The following DNAI1 variants were observed in gnomAD, a reference collection of about 807,000 sequenced individuals.
DNAI1 encodes the protein dynein, axonemal, intermediate polypeptide 1.
A neutral mutation model predicts 92.0 loss-of-function variants in DNAI1; 67 were observed. That is an observed-to-expected ratio of 0.73 (90% CI 0.60 to 0.89). DNAI1 has a LOEUF of 0.89. Ranked by LOEUF, DNAI1 falls within the 40% of genes least tolerant of loss-of-function variation. The pLI, the probability that DNAI1 is intolerant of heterozygous loss-of-function variation, is 0.00. For synonymous variants in DNAI1, 323 were observed against 319.6 expected (o/e 1.01, Z -0.11); for missense variants, 839 against 866.6 (o/e 0.97, Z 0.40).
chr9:34,475,005 G>A (rs1198812321), intron 1 of DNAI1, among the ~76,000 whole-genome samples: 2 of 152,170 alleles, frequency 1.3e-5, no homozygotes, highest in Non-Finnish European at 2.9e-5. Context: ...AACAATGTAT[G>A]TGTGCCTGTT....
At chr9:34,503,031 T>C (rs1024677654) in intron 12 of DNAI1, among the ~76,000 whole-genome samples, 6 of 152,154 alleles carry the variant, frequency 3.9e-5, no homozygotes, top group Admixed American at 2.0e-4. Flanking sequence ...TGCAGTACCC[T>C]CAGGGAGCCC....
At chr9:34,463,714 G>A (rs890156186) in intron 1 of DNAI1, among the ~76,000 whole-genome samples, 1 of 152,240 alleles carries the variant, frequency 6.6e-6, no homozygotes, top group Middle Eastern at 3.4e-3. Flanking sequence ...TCATTCTCCT[G>A]TAAAAGCCAA....
chr9:34,487,276 C>T (rs1824492597), intron 4 of DNAI1, among the ~76,000 whole-genome samples: 1 of 152,032 alleles, frequency 6.6e-6, no homozygotes, highest in African/African-American at 2.4e-5. Context: ...AGCTCCGCCT[C>T]CCGGGTTCAT....
At chr9:34,472,715 A>C (rs981894570) in intron 1 of DNAI1, among the ~76,000 whole-genome samples, 2 of 152,244 alleles carry the variant, frequency 1.3e-5, no homozygotes, top group African/African-American at 4.8e-5. Flanking sequence ...CAGCCTGGGC[A>C]ACATAGTGAG....
At chr9:34,478,892 G>C (rs1450947724) in intron 1 of DNAI1, 1 of 152,248 alleles carries the variant, frequency 6.6e-6, no homozygotes, top group Non-Finnish European at 1.5e-5. Context: ...GAGACTAACA[G>C]AGTGTCTATT....
At chr9:34,482,640 C>T (rs1277879362) in intron 1 of DNAI1, among the ~76,000 whole-genome samples, 3 of 152,178 alleles carry the variant, frequency 2.0e-5, no homozygotes, top group African/African-American at 7.2e-5. Flanking sequence ...ATTTACAATC[C>T]CTGAGCTAGA....
chr9:34,493,690 G>A lies in DNAI1; in HGVS notation c.816+362G>A, dbSNP rs1051408440. ...ATAAGGCACCACTTCCCTCGGCAAC[G>A]GCTTATAGGATCTGGGAAAGTGAGA... On this transcript the variant is annotated intron_variant, in intron 9 of 19. Coordinates refer to ENST00000242317, the MANE Select transcript of DNAI1 (RefSeq NM_012144.4). Among the ~76,000 whole-genome samples the A allele has an allele frequency of 9.9e-5, 15 of 152,284 alleles. No homozygotes were observed. The South Asian group carries it at 1.0e-3, about 11-fold the overall frequency.
chr9:34,486,867 A>G (rs1364806100), intron 4 of DNAI1, among the ~76,000 whole-genome samples: 2 of 152,200 alleles, frequency 1.3e-5, no homozygotes, highest in African/African-American at 4.8e-5. Flanking sequence ...TATAAGTGGA[A>G]TTATACACCA....
At chr9:34,515,791 T>C (rs528168254) in intron 18 of DNAI1, among the ~76,000 whole-genome samples, 80 of 152,258 alleles carry the variant, frequency 5.3e-4, no homozygotes, top group Admixed American at 1.1e-3. Flanking sequence ...TTTGTAGAGA[T>C]GGAAAGTCAA....
intron 12 of DNAI1, among the ~76,000 whole-genome samples, chr9:34,502,697 G>A (rs959060410): frequency 1.3e-5 from 2 of 152,100 alleles, no homozygotes; most frequent in Non-Finnish European, 2.9e-5. Context: ...TGTCCTTTGG[G>A]CAGGCACTTA....
rs977548847 is a variant in DNAI1 at position 34,498,405 on chromosome 9, G to C, written c.901+1206G>C. Among the ~76,000 whole-genome samples the C allele has an allele frequency of 2.6e-5, 4 of 152,200 alleles. No individual in the cohort carries two copies. The South Asian group carries it at 8.3e-4, about 31-fold the overall frequency. On this transcript the variant is annotated intron_variant, in intron 10 of 19. Coordinates refer to ENST00000242317, the MANE Select transcript of DNAI1 (RefSeq NM_012144.4). The stretch of plus-strand genomic sequence containing the variant: ...AGTGTGAGTGGCAGAATCAGAACTC[G>C]AACACAGGCCCCTTGGATCCATCAC...
chr9:34,520,325 G>A (rs572271913), intron 19 of DNAI1, among the ~76,000 whole-genome samples: 41 of 152,266 alleles, frequency 2.7e-4, no homozygotes, highest in Middle Eastern at 3.4e-3. Flanking sequence ...CCCCGCCTTC[G>A]CAGAGCTGGA....
chr9:34,490,603 A>C (rs920650253), intron 7 of DNAI1, 115 bp downstream of exon 7: 3 of 1,405,156 alleles, frequency 2.1e-6, no homozygotes, highest in Non-Finnish European at 2.0e-6. Context: ...ACAGGACAAC[A>C]GATGCTACAG....
chr9:34,479,072 G>A (rs1480290076), intron 1 of DNAI1, among the ~76,000 whole-genome samples: 2 of 152,162 alleles, frequency 1.3e-5, no homozygotes, highest in Non-Finnish European at 2.9e-5. Context: ...GTGGAAGCAG[G>A]GAGAGGAAAG....
chr9:34,462,500 G>A (rs908583104), intron 1 of DNAI1, among the ~76,000 whole-genome samples: 1 of 152,136 alleles, frequency 6.6e-6, no homozygotes, highest in Non-Finnish European at 1.5e-5. Flanking sequence ...CTTGTTCATT[G>A]TTGATTCCCC....
chr9:34,472,268 C>G (rs1824151022), intron 1 of DNAI1, among the ~76,000 whole-genome samples: 1 of 152,166 alleles, frequency 6.6e-6, no homozygotes, highest in Non-Finnish European at 1.5e-5. Flanking sequence ...TTTTTCTCCC[C>G]CTTACAGATG....
chr9:34,501,219 A>T, intron 12 of DNAI1, 38 bp downstream of exon 12: 3 of 1,502,548 alleles, frequency 2.0e-6, no homozygotes, highest in South Asian at 1.1e-5. Flanking sequence ...GCTCATGTAA[A>T]CAGCAAACAC....
Position 34,477,191 on chromosome 9 carries a change from A to T in DNAI1, c.49-6257A>T, listed in dbSNP as rs186430994. On this transcript the variant is annotated intron_variant, in intron 1 of 19. Coordinates refer to ENST00000242317, the MANE Select transcript of DNAI1 (RefSeq NM_012144.4). ...CCACCACACCCAACTAATTAAAAAA[A>T]ATTTTTATGTGGAGATGGGGTGTGG... is the stretch of plus-strand genomic sequence containing the variant. Among the ~76,000 whole-genome samples the T allele has an allele frequency of 3.4e-3, 519 of 152,104 alleles. 2 individuals are homozygous for T. The highest frequency in any genetic ancestry group is 0.012 in the African/African-American group (484 of 41,476).
At chr9:34,514,867 G>T in intron 18 of DNAI1, 128 bp downstream of exon 18, 1 of 1,041,442 alleles carries the variant, frequency 9.6e-7, no homozygotes, top group African/African-American at 1.6e-5. Flanking sequence ...TAAGGACTGT[G>T]TATTTTCCAG....
Sources: gnomAD v4.1 joint callset for allele counts (sites outside exome capture counted in the v4.1 genomes callset) on GRCh38, gnomAD v4.1.1 for gene constraint, MANE v1.5 for transcripts, NCBI Gene and HGNC (gene_info 2026-07-23, HGNC 2026-07-21) for gene names.